SRP68: variants seen among roughly 807,000 people sequenced by gnomAD.
The protein encoded by SRP68 is signal recognition particle 68.
SRP68 carries 15 observed loss-of-function variants against 82.2 expected under a neutral mutation model. The observed-to-expected ratio is 0.18, with a 90% confidence interval of 0.12 to 0.28. SRP68 has a LOEUF of 0.28. SRP68 is among the 10% of genes least tolerant of loss of function. SRP68 has a pLI of 1.00. For synonymous variants in SRP68, 261 were observed against 292.6 expected, an observed-to-expected ratio of 0.89 and a Z score of 1.10; for missense variants, 595 against 780.5, an observed-to-expected ratio of 0.76 and a Z score of 2.83.
intron 13 of SRP68, among the ~76,000 whole-genome samples, chr17:76,043,029 T>C (rs768968699): frequency 6.6e-6 from 1 of 151,974 alleles, no homozygotes; most frequent in Non-Finnish European, 1.5e-5. Context: ...GCAGGAGGAC[T>C]GCTTGAGGCC....
chr17:76,062,960 T>C (rs6501852), intron 4 of SRP68, among the ~76,000 whole-genome samples: 145,748 of 147,686 alleles, frequency 0.99, 71,927 homozygotes, highest in East Asian at 1. Context: ...TTAGTAGAGA[T>C]GGGGTTTCAC....
At chr17:76,048,040 TGG>T in intron 9 of SRP68, 70 bp from the exon 10 acceptor site, 1 of 1,051,222 alleles carries the variant, frequency 9.5e-7, no homozygotes, top group Non-Finnish European at 1.4e-6. Context: ...CCTCATGGAA[TGG>T]TGGGGTCTCC....
chr17:76,066,823 G>A (rs1393465766), intron 3 of SRP68, among the ~76,000 whole-genome samples: 2 of 151,754 alleles, frequency 1.3e-5, no homozygotes. Flanking sequence ...TGCCTCCCGG[G>A]TTCAAGTAAT....
intron 7 of SRP68, 92 bp downstream of exon 7, chr17:76,060,216 T>C (rs113596931): frequency 5.5e-6 from 3 of 546,740 alleles, no homozygotes; most frequent in South Asian, 2.6e-5. Context: ...TAAATATCCA[T>C]ATATTAATAT....
At chr17:76,056,920 TA>T (rs2144508563) in intron 8 of SRP68, among the ~76,000 whole-genome samples, 1 of 152,330 alleles carries the variant, frequency 6.6e-6, no homozygotes, top group East Asian at 1.9e-4. Context: ...ACTATGTCAG[TA>T]GGCAGTATCA....
chr17:76,069,012 A>AT (rs2066828172), intron 2 of SRP68, among the ~76,000 whole-genome samples: 6 of 148,084 alleles, frequency 4.1e-5, no homozygotes, highest in South Asian at 2.1e-4. Context: ...TAAATAAATA[A>AT]ATATATATAT....
intron 10 of SRP68, among the ~76,000 whole-genome samples, chr17:76,046,992 C>CA (rs1314207351): frequency 4.6e-5 from 7 of 152,106 alleles, no homozygotes; most frequent in African/African-American, 1.7e-4. Context: ...CCTCTGGTCC[C>CA]AGCTACTCAG....
At position 76,071,010 on chromosome 17, in the gene SRP68, G is replaced by C. The variant is rs1039834689; in HGVS notation, c.185-566C>G. On this transcript the variant is annotated intron_variant, in intron 1 of 15. Coordinates refer to ENST00000307877, the MANE Select transcript of SRP68 (RefSeq NM_014230.4). The surrounding 1 kb of genome is among the most constrained non-coding windows in gnomAD (Gnocchi z 4.7). ...CTGTTACTACTTGCAAACTGAAAAA[G>C]GAGGGCACTACTGGCCACTGGAAAC... 6.6e-6 allele frequency among the ~76,000 whole-genome samples: 1 copy of C among 152,196 alleles called. No individual in the cohort carries two copies. Among genetic ancestry groups the C allele is most frequent in the African/African-American group, 2.4e-5 (1 of 41,450 alleles).
chr17:76,062,992 G>A lies in SRP68; in HGVS notation c.561+984C>T, dbSNP rs569598462. On this transcript the variant is annotated intron_variant, in intron 4 of 15. Transcript: ENST00000307877. Reference sequence around the variant, plus strand: ...TCACCGTGTTAGCCAGGATGGTCTCGATCTCCTGACTTTGTGATCTGCCCA... The same window carrying A: ...TCACCGTGTTAGCCAGGATGGTCTCAATCTCCTGACTTTGTGATCTGCCCA... 3.0e-4 allele frequency among the ~76,000 whole-genome samples: 45 copies of A among 150,792 alleles called. No individual in the cohort carries two copies. In the South Asian group the frequency reaches 5.9e-3, roughly 20 times the overall value.
intron 6 of SRP68, among the ~76,000 whole-genome samples, 172 bp downstream of exon 6, chr17:76,060,938 G>A (rs1334383163): frequency 6.6e-6 from 1 of 152,102 alleles, no homozygotes; most frequent in African/African-American, 2.4e-5. Context: ...TATAATTTTG[G>A]GCAGGGCTGG....
At chr17:76,062,128 T>C (rs2066756775) in intron 4 of SRP68, among the ~76,000 whole-genome samples, 1 of 151,176 alleles carries the variant, frequency 6.6e-6, no homozygotes, top group Admixed American at 6.6e-5. Flanking sequence ...CTACTAAAAA[T>C]ACAAAAAAAT....
chr17:76,055,710 C>T (rs978811453), intron 8 of SRP68, among the ~76,000 whole-genome samples: 2 of 150,234 alleles, frequency 1.3e-5, no homozygotes, highest in Non-Finnish European at 3.0e-5. Context: ...GCAGAGATTG[C>T]ACCGCTGCAC....
chr17:76,050,557 T>G, intron 8 of SRP68, 31 bp from the exon 9 acceptor site: 2 of 1,570,228 alleles, frequency 1.3e-6, no homozygotes, highest in Non-Finnish European at 1.8e-6. Flanking sequence ...GTAAGAGACT[T>G]TCCTTTGAGC....
Position 76,039,412 on chromosome 17 carries a change from A to T in SRP68, c.*294T>A. 1 of 582,736 alleles carries T rather than the reference A, an allele frequency of 1.7e-6. No individual in the cohort carries two copies. The highest frequency in any genetic ancestry group is 3.2e-6 in the Non-Finnish European group (1 of 309,046). The allele number at this position is 582,736 out of a possible 1,614,324, so 36.1% of individuals were successfully genotyped here. A position where few individuals can be genotyped will look rare whatever the true frequency, so the allele number is the denominator to read the frequency against. ...GTGTGGACTCCTGAACGCATTACTGACCAAAGGCAATCAATCACAGCTCAC... is the reference window on the plus strand; with the variant it reads ...GTGTGGACTCCTGAACGCATTACTGTCCAAAGGCAATCAATCACAGCTCAC... On this transcript the variant is annotated 3_prime_UTR_variant, in exon 16 of 16. Transcript: ENST00000307877.
At chr17:76,040,836 G>A (rs1356113525) in intron 14 of SRP68, 67 bp downstream of exon 14, 4 of 1,408,212 alleles carry the variant, frequency 2.8e-6, no homozygotes, top group African/African-American at 1.4e-5. Flanking sequence ...GTAGTATGGG[G>A]TGTGACAGAG....
At chr17:76,061,690 G>A (rs926970441) in intron 4 of SRP68, 116 bp from the exon 5 acceptor site, 2 of 796,436 alleles carry the variant, frequency 2.5e-6, no homozygotes, top group Non-Finnish European at 4.1e-6. Flanking sequence ...GCCAGGTGCA[G>A]TGGCTCACAC....
At chr17:76,060,280 T>G (rs2066743385) in intron 7 of SRP68, 28 bp downstream of exon 7, 1 of 1,554,576 alleles carries the variant, frequency 6.4e-7, no homozygotes, top group Non-Finnish European at 8.9e-7. Flanking sequence ...TCCAAAGACT[T>G]TTCACAAAAA....
At chr17:76,040,005 G>C (rs1232304841) in intron 15 of SRP68, 72 bp from the exon 16 acceptor site, 1 of 1,468,146 alleles carries the variant, frequency 6.8e-7, no homozygotes, top group Admixed American at 1.9e-5. Context: ...CCTGAGTGCC[G>C]ACTGCCTGGT....
intron 3 of SRP68, among the ~76,000 whole-genome samples, chr17:76,066,381 T>C (rs55666832): frequency 0.56 from 83,065 of 149,092 alleles, 25,999 homozygotes; most frequent in African/African-American, 0.86. Context: ...ACCCGGGAGG[T>C]GGAAGTTGCA....
Sources: allele counts gnomAD v4.1 joint callset (sites outside exome capture counted in the v4.1 genomes callset), GRCh38; gene constraint gnomAD v4.1.1; non-coding constraint Gnocchi (gnomAD v3.1); transcripts MANE v1.5; gene names NCBI Gene and HGNC (gene_info 2026-07-23, HGNC 2026-07-21).